Variants in CFAP61 observed in about 807,000 individuals in gnomAD.
The protein encoded by CFAP61 is cilia- and flagella-associated protein 61.
A neutral mutation model predicts 135.6 loss-of-function variants in CFAP61; 107 were observed. That is an observed-to-expected ratio of 0.79 (90% CI 0.67 to 0.93). The LOEUF (loss-of-function observed/expected upper bound fraction) is 0.93. Among genes scored for constraint, CFAP61 ranks in the 40% least tolerant of loss-of-function variants. CFAP61 has a pLI of 0.00. For synonymous variants in CFAP61, 575 were observed against 578.5 expected (o/e 0.99, Z 0.09); for missense variants, 1,507 against 1,556.2 (o/e 0.97, Z 0.53).
At chr20:20,205,566 C>T (rs988606763) in intron 17 of CFAP61, among the ~76,000 whole-genome samples, 8 of 152,226 alleles carry the variant, frequency 5.3e-5, no homozygotes, top group Admixed American at 1.3e-4. Context: ...GCACCAGGTA[C>T]TTAACAAAAA....
At chr20:20,355,287 G>A (rs1333911157) in intron 26 of CFAP61, among the ~76,000 whole-genome samples, 2 of 134,460 alleles carry the variant, frequency 1.5e-5, no homozygotes, top group South Asian at 5.2e-4. Context: ...TGGTCACACT[G>A]TGAGGGGAGG....
At chr20:20,284,574 C>T (rs745932472) in intron 22 of CFAP61, among the ~76,000 whole-genome samples, 6 of 152,156 alleles carry the variant, frequency 3.9e-5, no homozygotes, top group Non-Finnish European at 5.9e-5. Context: ...CATGAGCCAC[C>T]GCGCCCGGCC....
chr20:20,190,611 T>C (rs921145358), intron 14 of CFAP61, among the ~76,000 whole-genome samples: 10 of 152,078 alleles, frequency 6.6e-5, no homozygotes, highest in African/African-American at 2.4e-4. Flanking sequence ...CCCACAATTG[T>C]ATCAATGTTG....
intron 24 of CFAP61, among the ~76,000 whole-genome samples, chr20:20,292,655 C>G (rs2055074821): frequency 6.6e-6 from 1 of 152,156 alleles, no homozygotes; most frequent in Non-Finnish European, 1.5e-5. Flanking sequence ...CTCAGCTGGG[C>G]TGGGATGACT....
chr20:20,317,096 T>TGAAC (rs1333996412), intron 25 of CFAP61: 1 of 151,874 alleles, frequency 6.6e-6, no homozygotes, highest in Non-Finnish European at 1.5e-5. Context: ...GGACTAGTCT[T>TGAAC]GAACTCCTGA....
At chr20:20,139,167 A>G (rs995131303) in intron 8 of CFAP61, among the ~76,000 whole-genome samples, 2 of 152,210 alleles carry the variant, frequency 1.3e-5, no homozygotes, top group African/African-American at 4.8e-5. Flanking sequence ...TGCACTCCGT[A>G]TGTATTATTC....
At chr20:20,106,034 ATATATATATATATAT>A (rs2048381087) in intron 8 of CFAP61, among the ~76,000 whole-genome samples, 1 of 82,474 alleles carries the variant, frequency 1.2e-5, no homozygotes, top group Non-Finnish European at 2.3e-5. Flanking sequence ...ATATATATAT[ATATATATATATATAT>A]AAAATTTGAT....
intron 8 of CFAP61, among the ~76,000 whole-genome samples, chr20:20,117,339 A>T (rs1044783067): frequency 6.0e-5 from 9 of 149,256 alleles, no homozygotes; most frequent in Non-Finnish European, 1.0e-4. Flanking sequence ...GTGAGACTCC[A>T]TCTCAAAAAA....
chr20:20,250,313 A>T (rs1056007558), intron 19 of CFAP61, among the ~76,000 whole-genome samples: 1 of 152,146 alleles, frequency 6.6e-6, no homozygotes, highest in East Asian at 1.9e-4. Context: ...TCTCACGGTC[A>T]CTCCTTATAG....
chr20:20,322,973 T>C lies in CFAP61; in HGVS notation c.3423-18858T>C, dbSNP rs866021627. 4.1e-6 allele frequency: 4 copies of C among 985,296 alleles called. No individual in the cohort carries two copies. The African/African-American group carries it at 7.0e-5, about 17-fold the overall frequency. The allele number at this position is 985,296 out of a possible 1,614,324, so 61.0% of individuals were successfully genotyped here. A position where few individuals can be genotyped will look rare whatever the true frequency, so the allele number is the denominator to read the frequency against. ...TCCAGGGTTGAGACTGTTAAAGTTA[T>C]CATAATAATGACTTTGTTTTCAATA... On this transcript the variant is annotated intron_variant, in intron 25 of 26. Coordinates refer to ENST00000245957, the MANE Select transcript of CFAP61 (RefSeq NM_015585.4).
At chr20:20,066,117 C>T (rs2045243867) in intron 2 of CFAP61, among the ~76,000 whole-genome samples, 1 of 152,130 alleles carries the variant, frequency 6.6e-6, no homozygotes, top group South Asian at 2.1e-4. Flanking sequence ...CAAATCAAAA[C>T]CACAATGAGA....
intron 25 of CFAP61, chr20:20,322,603 T>C: frequency 1.4e-6 from 1 of 709,238 alleles, no homozygotes; most frequent in Non-Finnish European, 1.7e-6. Flanking sequence ...AAGTGGTATA[T>C]ATTTGCCGTG....
At chr20:20,067,663 A>T (rs1399620482) in intron 2 of CFAP61, among the ~76,000 whole-genome samples, 2 of 138,620 alleles carry the variant, frequency 1.4e-5, no homozygotes, top group South Asian at 2.2e-4. Flanking sequence ...ATATATATAT[A>T]ATATATATAT....
chr20:20,131,568 T>A (rs1302080567), intron 8 of CFAP61, among the ~76,000 whole-genome samples: 3 of 152,096 alleles, frequency 2.0e-5, no homozygotes, highest in Admixed American at 6.5e-5. Context: ...TTTATTAGTC[T>A]TTTCAAAAAA....
intron 8 of CFAP61, among the ~76,000 whole-genome samples, chr20:20,138,736 T>A (rs2051135442): frequency 6.6e-6 from 1 of 152,242 alleles, no homozygotes; most frequent in Non-Finnish European, 1.5e-5. Flanking sequence ...AAATTTTGTG[T>A]TCCTGTGGGG....
At chr20:20,214,144 G>A (rs1313963716) in intron 17 of CFAP61, among the ~76,000 whole-genome samples, 1 of 152,090 alleles carries the variant, frequency 6.6e-6, no homozygotes, top group Non-Finnish European at 1.5e-5. Flanking sequence ...GCAGTGTGGG[G>A]CCCTCTCAGG....
At chr20:20,337,278 A>G (rs922666464) in intron 25 of CFAP61, among the ~76,000 whole-genome samples, 8 of 29,298 alleles carry the variant, frequency 2.7e-4, no homozygotes, top group East Asian at 1.4e-3. Context: ...GGGTGGGTGG[A>G]TGGATGGATG....
chr20:20,072,913 C>T (rs983599394), intron 3 of CFAP61, among the ~76,000 whole-genome samples: 1 of 151,950 alleles, frequency 6.6e-6, no homozygotes, highest in Admixed American at 6.6e-5. Flanking sequence ...CATTAATTCA[C>T]CTGTTTATCT....
At chr20:20,159,117 C>T (rs1160294149) in intron 9 of CFAP61, among the ~76,000 whole-genome samples, 2 of 152,200 alleles carry the variant, frequency 1.3e-5, no homozygotes, top group Non-Finnish European at 2.9e-5. Context: ...TCAGGAGGCA[C>T]CTGCACTATG....
Sources: gnomAD v4.1 joint callset for allele counts (sites outside exome capture counted in the v4.1 genomes callset) on GRCh38, gnomAD v4.1.1 for gene constraint, MANE v1.5 for transcripts, NCBI Gene and HGNC (gene_info 2026-07-23, HGNC 2026-07-21) for gene names.